The following TESK2 variants were observed in gnomAD, a reference collection of about 807,000 sequenced individuals.
TESK2 encodes testis associated actin remodelling kinase 2, also known as dual specificity testis-specific protein kinase 2.
In TESK2, 39 loss-of-function variants were observed where a neutral mutation model predicts 57.1. The ratio of observed to expected loss-of-function variants is 0.68; its 90% CI spans 0.53 to 0.89. The LOEUF (loss-of-function observed/expected upper bound fraction) is 0.89. Among genes scored for constraint, TESK2 ranks in the 40% least tolerant of loss-of-function variants. The pLI, the probability that TESK2 is intolerant of heterozygous loss-of-function variation, is 0.00. For missense variants in TESK2, 646 were observed against 732.1 expected, an observed-to-expected ratio of 0.88 and a Z score of 1.36; for synonymous variants, 249 against 267.9, an observed-to-expected ratio of 0.93 and a Z score of 0.69.
chr1:45,477,854 G>A (rs1428247427), intron 1 of TESK2, among the ~76,000 whole-genome samples: 1 of 152,006 alleles, frequency 6.6e-6, no homozygotes, highest in East Asian at 1.9e-4. Flanking sequence ...TACACTTAAC[G>A]CACCCTTCTG....
intron 1 of TESK2, among the ~76,000 whole-genome samples, chr1:45,479,734 T>C (rs181428063): frequency 1.2e-3 from 189 of 152,188 alleles, no homozygotes; most frequent in Middle Eastern, 3.4e-3. Context: ...CACAGAGCAT[T>C]TTGATCTTCA....
intron 4 of TESK2, among the ~76,000 whole-genome samples, chr1:45,382,937 G>A (rs1648723917): frequency 6.6e-6 from 1 of 152,132 alleles, no homozygotes; most frequent in South Asian, 2.1e-4. Context: ...GTGTCTGACT[G>A]TTCCAAGTTC....
At chr1:45,434,482 G>C (rs1203975041) in intron 2 of TESK2, among the ~76,000 whole-genome samples, 1 of 151,510 alleles carries the variant, frequency 6.6e-6, no homozygotes, top group Non-Finnish European at 1.5e-5. Context: ...TGTAGAGATG[G>C]GGTCTTTTTG....
intron 5 of TESK2, among the ~76,000 whole-genome samples, chr1:45,351,113 GT>G (rs1647224351): frequency 6.6e-6 from 1 of 152,218 alleles, no homozygotes; most frequent in Non-Finnish European, 1.5e-5. Flanking sequence ...ATTCCCAACA[GT>G]AATCACAGAA....
intron 1 of TESK2, among the ~76,000 whole-genome samples, chr1:45,473,062 G>A (rs1240924771): frequency 1.3e-5 from 2 of 151,226 alleles, no homozygotes; most frequent in Non-Finnish European, 2.9e-5. Flanking sequence ...ACTGAGGCAG[G>A]AGAATGGTGT....
intron 3 of TESK2, among the ~76,000 whole-genome samples, chr1:45,392,153 T>C (rs1028245586): frequency 6.6e-6 from 1 of 152,196 alleles, no homozygotes; most frequent in African/African-American, 2.4e-5. Flanking sequence ...TGGTGCAATC[T>C]TGCCTCACTG....
chr1:45,369,807 G>C (rs755717085), intron 4 of TESK2, among the ~76,000 whole-genome samples: 1 of 152,020 alleles, frequency 6.6e-6, no homozygotes, highest in African/African-American at 2.4e-5. Context: ...CACCTCCTGG[G>C]TTCAAGCAAT....
At chr1:45,452,840 C>G (rs920495385) in intron 2 of TESK2, among the ~76,000 whole-genome samples, 5 of 151,974 alleles carry the variant, frequency 3.3e-5, no homozygotes, top group African/African-American at 1.2e-4. Context: ...TCATTTGAGT[C>G]CAGAAATTCA....
chr1:45,472,495 T>C (rs1289010105), intron 1 of TESK2, among the ~76,000 whole-genome samples: 4 of 148,322 alleles, frequency 2.7e-5, no homozygotes, highest in Non-Finnish European at 5.9e-5. Flanking sequence ...GAGGCAGAAA[T>C]TGCAGTGAAC....
intron 2 of TESK2, among the ~76,000 whole-genome samples, chr1:45,455,724 TA>T (rs1244164014): frequency 2.0e-5 from 3 of 152,094 alleles, no homozygotes; most frequent in African/African-American, 4.8e-5. Context: ...ACTGTACACT[TA>T]AAAAATGGCT....
At chr1:45,456,585 TC>T (rs1652108740) in intron 2 of TESK2, among the ~76,000 whole-genome samples, 1 of 152,088 alleles carries the variant, frequency 6.6e-6, no homozygotes, top group Admixed American at 6.6e-5. Context: ...GTTTTTTTTT[TC>T]CTTAAAAGAA....
Position 45,346,779 on chromosome 1 carries a change from T to C in TESK2, c.793A>G (p.Asn265Asp), listed in dbSNP as rs1461470711. ...AAAGCATCATAGTCCAGCCCGAAATTCTGTGGATGGGTATGGAAAGCATAG... is the reference window on the plus strand; with the variant it reads ...AAAGCATCATAGTCCAGCCCGAAATCCTGTGGATGGGTATGGAAAGCATAG... The part of the protein sequence containing the change: ...ADPDYLPRTE[N>D]FGLDYDAFQH... Residue 265 changes from asparagine (N) to aspartate (D), a missense_variant and splice_region_variant, in exon 9 of 11, where the codon AAT (asparagine) becomes GAT (aspartate). Physicochemically the swap from Asn to Asp is conservative, Grantham distance 23 (BLOSUM62 1). Transcript: ENST00000372086. 3 of 1,613,778 alleles carry C rather than the reference T, an allele frequency of 1.9e-6. No homozygotes were observed. The highest frequency in any genetic ancestry group is 2.5e-6 in the Non-Finnish European group (3 of 1,179,792).
intron 2 of TESK2, among the ~76,000 whole-genome samples, chr1:45,430,857 G>A (rs1650921699): frequency 6.6e-6 from 1 of 152,114 alleles, no homozygotes; most frequent in East Asian, 1.9e-4. Flanking sequence ...AGAAATAGAG[G>A]TTGCGTTATA....
intron 2 of TESK2, among the ~76,000 whole-genome samples, chr1:45,451,917 C>G (rs1185907109): frequency 2.6e-5 from 4 of 151,216 alleles, no homozygotes. Context: ...CCTGTAATCC[C>G]AGCTACTCAG....
At chr1:45,346,486 A>G (rs1335488545) in intron 9 of TESK2, among the ~76,000 whole-genome samples, 1 of 152,178 alleles carries the variant, frequency 6.6e-6, no homozygotes, top group Non-Finnish European at 1.5e-5. Flanking sequence ...TGAGGACCAG[A>G]TAATACAAAA....
At chr1:45,346,330 G>A (rs978053525) in intron 9 of TESK2, among the ~76,000 whole-genome samples, 3 of 152,118 alleles carry the variant, frequency 2.0e-5, no homozygotes, top group Non-Finnish European at 4.4e-5. Flanking sequence ...AACAGGTAAG[G>A]TCCAGCCCCA....
chr1:45,415,644 C>A (rs1380655348), intron 3 of TESK2, among the ~76,000 whole-genome samples: 2 of 152,196 alleles, frequency 1.3e-5, no homozygotes, highest in East Asian at 1.9e-4. Flanking sequence ...ATTTACTGAG[C>A]ACTTACCACA....
intron 1 of TESK2, among the ~76,000 whole-genome samples, chr1:45,482,030 G>T (rs1653247173): frequency 6.6e-6 from 1 of 152,218 alleles, no homozygotes; most frequent in South Asian, 2.1e-4. Context: ...CCCCTAAAAT[G>T]CTGTGTGATG....
Position 45,343,937 on chromosome 1 carries a change from C to CAAA in TESK2, c.*900_*902dup. The CAAA allele has an allele frequency of 2.9e-6, 1 of 342,110 alleles. No individual in the cohort carries two copies. Among genetic ancestry groups the CAAA allele is most frequent in the South Asian group, 6.5e-5 (1 of 15,424 alleles). The allele number at this position is 342,110 out of a possible 1,614,324, so 21.2% of individuals were successfully genotyped here. Reference sequence around the variant, plus strand: ...CTGAAAATGTCTTGGGAAAGTTTTACAAAAAAAAAAATCAACAGAAGCAAG... The same window carrying CAAA: ...CTGAAAATGTCTTGGGAAAGTTTTACAAAAAAAAAAAAAATCAACAGAAGCAAG... On this transcript the variant is annotated 3_prime_UTR_variant, in exon 11 of 11. Coordinates refer to ENST00000372086, the MANE Select transcript of TESK2 (RefSeq NM_007170.3). This position sits in a 1 kb window ranked among gnomAD's most constrained non-coding sequence, Gnocchi z 4.3.
Sources: allele counts gnomAD v4.1 joint callset (sites outside exome capture counted in the v4.1 genomes callset), GRCh38; gene constraint gnomAD v4.1.1; non-coding constraint Gnocchi (gnomAD v3.1); transcripts MANE v1.5; gene names NCBI Gene and HGNC (gene_info 2026-07-23, HGNC 2026-07-21).